PRCC: variants seen among roughly 807,000 people sequenced by gnomAD.
PRCC encodes the protein proline rich mitotic checkpoint control factor.
A neutral mutation model predicts 44.0 loss-of-function variants in PRCC; 10 were observed. That is an observed-to-expected ratio of 0.23 (90% CI 0.14 to 0.39). The LOEUF (loss-of-function observed/expected upper bound fraction) is 0.39. Ranked by LOEUF, PRCC falls within the 10% of genes least tolerant of loss-of-function variation. PRCC has a pLI of 1.00. For missense variants in PRCC, 573 were observed against 624.7 expected, an observed-to-expected ratio of 0.92 and a Z score of 0.88; for synonymous variants, 278 against 259.5, an observed-to-expected ratio of 1.07 and a Z score of -0.69.
rs1386429157 is a variant in PRCC, at chr1:156,800,418, C to T, written c.1434C>T (p.Asn478=). ...ELELKNTWSE[N]KLSRRQTQAK... ...AACTGAAGAACACCTGGTCAGAGAA[C>T]AAGCTCAGCCGCCGTCAGACCCAAG... Residue 478 remains asparagine (N), a synonymous_variant, in exon 7 of 7, where the codon AAC becomes AAT. Coordinates refer to ENST00000271526, the MANE Select transcript of PRCC (RefSeq NM_005973.5). 6.2e-7 allele frequency: 1 copy of T among 1,614,168 alleles called. No individual in the cohort carries two copies. Among genetic ancestry groups the T allele is most frequent in the Non-Finnish European group, 8.5e-7 (1 of 1,180,020 alleles).
intron 1 of PRCC, among the ~76,000 whole-genome samples, chr1:156,770,954 TCTA>T (rs1651612013): frequency 6.6e-6 from 1 of 152,216 alleles, no homozygotes; most frequent in Non-Finnish European, 1.5e-5. Flanking sequence ...GAGCTTATGA[TCTA>T]CTGGAGAAAA....
chr1:156,796,051 A>C (rs1430040934), intron 5 of PRCC: 1 of 152,238 alleles, frequency 6.6e-6, no homozygotes, highest in Non-Finnish European at 1.5e-5. Context: ...AGGACAGAGC[A>C]AAGGACTGTG....
intron 5 of PRCC, chr1:156,796,459 CTAGAG>C (rs2102774428): frequency 6.6e-6 from 1 of 152,274 alleles, no homozygotes; most frequent in African/African-American, 2.4e-5. Flanking sequence ...TGAGGAGACT[CTAGAG>C]AGGAGTTTTG....
intron 1 of PRCC, among the ~76,000 whole-genome samples, chr1:156,777,444 G>A (rs565516956): frequency 4.0e-4 from 61 of 152,208 alleles, no homozygotes; most frequent in African/African-American, 1.4e-3. Flanking sequence ...GAAGCACTTG[G>A]TGGATGGTTG....
In PRCC at chr1:156,787,125, A is replaced by G. The variant is rs964246738; in HGVS notation, c.1034A>G (p.Asn345Ser). ...AAGCCTGGGGACGACTACAGCTACAATCAGTTTTCCACATATGGCGATGCC... is the reference window on the plus strand; with the variant it reads ...AAGCCTGGGGACGACTACAGCTACAGTCAGTTTTCCACATATGGCGATGCC... Reference protein sequence around the residue: ...MPKPGDDYSYNQFSTYGDANA... With the variant: ...MPKPGDDYSYSQFSTYGDANA... Residue 345 changes from asparagine (N) to serine (S), a missense_variant, in exon 3 of 7, where the codon AAT becomes AGT. Coordinates refer to ENST00000271526, the MANE Select transcript of PRCC (RefSeq NM_005973.5). 3 of 1,613,562 alleles carry G rather than the reference A, an allele frequency of 1.9e-6. No homozygotes were observed. Among genetic ancestry groups the G allele is most frequent in the Non-Finnish European group, 2.5e-6 (3 of 1,179,614 alleles).
intron 1 of PRCC, among the ~76,000 whole-genome samples, chr1:156,770,337 C>T (rs1021662414): frequency 6.6e-6 from 1 of 152,170 alleles, no homozygotes; most frequent in African/African-American, 2.4e-5. Flanking sequence ...GAAAGGTAGC[C>T]TAAGAATGTT....
intron 1 of PRCC, among the ~76,000 whole-genome samples, chr1:156,777,308 G>GC (rs1046989539): frequency 8.5e-5 from 13 of 152,114 alleles, no homozygotes; most frequent in Non-Finnish European, 1.6e-4. Flanking sequence ...TCCTGGTTCT[G>GC]CCCCATCCTA....
intron 1 of PRCC, among the ~76,000 whole-genome samples, chr1:156,777,105 G>C (rs1651856334): frequency 6.6e-6 from 1 of 152,178 alleles, no homozygotes; most frequent in Admixed American, 6.6e-5. Context: ...CCTTAGGCTT[G>C]GGGAAGTTAA....
chr1:156,774,702 C>T (rs1651756302), intron 1 of PRCC, among the ~76,000 whole-genome samples: 1 of 151,866 alleles, frequency 6.6e-6, no homozygotes, highest in Non-Finnish European at 1.5e-5. Context: ...GCCTGTAAAC[C>T]CCGCACTTTG....
intron 3 of PRCC, among the ~76,000 whole-genome samples, chr1:156,789,095 G>C (rs1426258965): frequency 1.3e-5 from 2 of 151,792 alleles, no homozygotes; most frequent in Admixed American, 1.3e-4. Context: ...TCAGCCTCTC[G>C]AGTAACTGGG....
At chr1:156,775,672 G>T (rs906303299) in intron 1 of PRCC, among the ~76,000 whole-genome samples, 3 of 151,878 alleles carry the variant, frequency 2.0e-5, no homozygotes, top group Non-Finnish European at 4.4e-5. Context: ...CACCACCCCC[G>T]GCTAATTTTT....
intron 4 of PRCC, among the ~76,000 whole-genome samples, chr1:156,792,499 G>A (rs1283041322): frequency 6.6e-6 from 1 of 152,138 alleles, no homozygotes; most frequent in African/African-American, 2.4e-5. Context: ...CCAGGCTGGA[G>A]TATGGTGGCA....
chr1:156,777,273 G>A (rs1198197469), intron 1 of PRCC, among the ~76,000 whole-genome samples: 1 of 152,148 alleles, frequency 6.6e-6, no homozygotes. Flanking sequence ...TCCCGCAAAA[G>A]CACGGGCACT....
intron 1 of PRCC, among the ~76,000 whole-genome samples, chr1:156,779,487 T>A (rs1651969610): frequency 6.6e-6 from 1 of 151,796 alleles, no homozygotes; most frequent in African/African-American, 2.4e-5. Flanking sequence ...TGCCTCAGCC[T>A]CCTGAGTAAC....
In PRCC at chr1:156,791,682, C is replaced by T; in HGVS notation, c.1084-15C>T. ...GCCCTCAGTTGGTGTGTTTTTCTTT[C>T]CTGTTTGGCTGCAGGATTATTACAG... On this transcript the variant is annotated splice_polypyrimidine_tract_variant and intron_variant, in intron 3 of 6. Transcript: ENST00000271526. The T allele has an allele frequency of 2.5e-6, 4 of 1,604,934 alleles. No individual in the cohort carries two copies. The highest frequency in any genetic ancestry group is 3.4e-6 in the Non-Finnish European group (4 of 1,175,882).
chr1:156,798,696 A>G (rs928482615), intron 6 of PRCC, among the ~76,000 whole-genome samples: 1 of 152,068 alleles, frequency 6.6e-6, no homozygotes, highest in Non-Finnish European at 1.5e-5. Context: ...CTCTACTAAA[A>G]ATACAAAAAA....
Position 156,775,762 on chromosome 1 carries a change from G to A in PRCC, c.469-6520G>A, listed in dbSNP as rs1651807460. On this transcript the variant is annotated intron_variant, in intron 1 of 6. Coordinates refer to ENST00000271526, the MANE Select transcript of PRCC (RefSeq NM_005973.5). ...CTGATCTTGTGATCTGCCCACCTCG[G>A]CCTCCCAAAGTGCTGGGATCACAGG... Among the ~76,000 whole-genome samples the A allele has an allele frequency of 3.3e-5, 5 of 152,044 alleles. No individual in the cohort carries two copies. In the South Asian group the frequency reaches 1.0e-3, roughly 32 times the overall value.
intron 3 of PRCC, among the ~76,000 whole-genome samples, chr1:156,789,938 C>T (rs902701531): frequency 3.9e-5 from 6 of 152,156 alleles, no homozygotes; most frequent in Admixed American, 3.9e-4. Context: ...CCAGGTTGTA[C>T]GTAGGTTTAA....
At chr1:156,779,976 C>T (rs10796966) in intron 1 of PRCC, among the ~76,000 whole-genome samples, 67,105 of 151,788 alleles carry the variant, frequency 0.44, 15,598 homozygotes, top group Non-Finnish European at 0.53. Flanking sequence ...CTGCAACCTC[C>T]GCCTCCTGGA....
Sources: allele counts gnomAD v4.1 joint callset (sites outside exome capture counted in the v4.1 genomes callset), GRCh38; gene constraint gnomAD v4.1.1; transcripts MANE v1.5; gene names NCBI Gene and HGNC (gene_info 2026-07-23, HGNC 2026-07-21).